The following MACROD2 variants were observed in gnomAD, a reference collection of about 807,000 sequenced individuals.
MACROD2 encodes mono-ADP ribosylhydrolase 2, also known as ADP-ribose glycohydrolase MACROD2.
Under a neutral mutation model 70.4 loss-of-function variants are expected in MACROD2, and 36 were observed. That is an observed-to-expected ratio of 0.51 (90% CI 0.39 to 0.68). The LOEUF (loss-of-function observed/expected upper bound fraction) is 0.68, where lower values mean the gene tolerates loss of function less well. Ranked by LOEUF, MACROD2 falls within the 30% of genes least tolerant of loss-of-function variation. The pLI, the probability that MACROD2 is intolerant of heterozygous loss-of-function variation, is 0.00. For synonymous variants in MACROD2, 172 were observed against 178.8 expected, an observed-to-expected ratio of 0.96 and a Z score of 0.30; for missense variants, 496 against 538.4, an observed-to-expected ratio of 0.92 and a Z score of 0.78.
intron 8 of MACROD2, among the ~76,000 whole-genome samples, chr20:15,608,383 T>G (rs1033967244): frequency 9.9e-5 from 15 of 152,228 alleles, no homozygotes; most frequent in Admixed American, 2.6e-4. Flanking sequence ...CCTTGATCTC[T>G]TATGCTTTAC....
intron 8 of MACROD2, among the ~76,000 whole-genome samples, chr20:15,542,079 C>T (rs992522387): frequency 2.6e-5 from 4 of 152,142 alleles, no homozygotes; most frequent in African/African-American, 9.7e-5. Flanking sequence ...CTTCTCTGTG[C>T]CTCTAAATGT....
chr20:15,823,084 G>A (rs2063957196), intron 8 of MACROD2, among the ~76,000 whole-genome samples: 1 of 152,294 alleles, frequency 6.6e-6, no homozygotes, highest in Admixed American at 6.5e-5. Flanking sequence ...ATTCACAAAT[G>A]CCTCATAAAT....
chr20:15,516,654 G>T lies in MACROD2; in HGVS notation c.645+16807G>T, dbSNP rs116026575. Among the ~76,000 whole-genome samples, 409 of 152,202 alleles carry T rather than the reference G, an allele frequency of 2.7e-3. 2 individuals are homozygous for T. Among genetic ancestry groups the T allele is most frequent in the African/African-American group, 9.5e-3 (393 of 41,516 alleles). On this transcript the variant is annotated intron_variant, in intron 8 of 17. Transcript: ENST00000684519. Reference sequence around the variant, plus strand: ...TTTCCTGGGGCTTTTTCTTTTCCTTGGGAGTGAAATCCAAATGCCTGTCTT... The same window carrying T: ...TTTCCTGGGGCTTTTTCTTTTCCTTTGGAGTGAAATCCAAATGCCTGTCTT...
intron 8 of MACROD2, among the ~76,000 whole-genome samples, chr20:15,806,346 G>A (rs141961285): frequency 2.7e-4 from 41 of 152,200 alleles, no homozygotes; most frequent in African/African-American, 9.4e-4. Flanking sequence ...AAATGTTCTC[G>A]GCCAGACAGT....
intron 8 of MACROD2, among the ~76,000 whole-genome samples, chr20:15,628,468 G>A (rs1451796657): frequency 6.6e-6 from 1 of 152,244 alleles, no homozygotes; most frequent in Non-Finnish European, 1.5e-5. Context: ...GGAAAAGGAT[G>A]AGTGTGAGAA....
Position 15,438,392 on chromosome 20 carries a change from A to G in MACROD2, c.571+6957A>G, listed in dbSNP as rs571308618. 2.0e-5 allele frequency among the ~76,000 whole-genome samples: 3 copies of G among 152,252 alleles called. No homozygotes were observed. The South Asian group carries it at 6.2e-4, about 32-fold the overall frequency. On this transcript the variant is annotated intron_variant, in intron 7 of 17. Transcript: ENST00000684519. ...GCCATTCTGACTGGTGTGAGATGGT[A>G]TCTCACCGTGGTTTTGATTTGCATT... is the stretch of plus-strand genomic sequence containing the variant.
At chr20:15,120,465 GC>G (rs2076022336) in intron 5 of MACROD2, among the ~76,000 whole-genome samples, 1 of 152,062 alleles carries the variant, frequency 6.6e-6, no homozygotes, top group Non-Finnish European at 1.5e-5. Flanking sequence ...TATTTTATAT[GC>G]GTTTTATTTA....
At chr20:14,662,537 C>A (rs1986276567) in intron 4 of MACROD2, among the ~76,000 whole-genome samples, 1 of 152,128 alleles carries the variant, frequency 6.6e-6, no homozygotes, top group African/African-American at 2.4e-5. Flanking sequence ...AAACTGTCAA[C>A]AGAATGAACA....
At chr20:14,439,769 A>G (rs1263675653) in intron 3 of MACROD2, among the ~76,000 whole-genome samples, 3 of 152,236 alleles carry the variant, frequency 2.0e-5, no homozygotes, top group South Asian at 2.1e-4. Flanking sequence ...AGACACATAG[A>G]AAGAACTGAA....
chr20:14,101,518 A>C (rs890525075), intron 3 of MACROD2, among the ~76,000 whole-genome samples: 1 of 152,094 alleles, frequency 6.6e-6, no homozygotes, highest in Admixed American at 6.6e-5. Flanking sequence ...AAGGAAGCCT[A>C]AGTTTCCAAC....
chr20:15,528,451 G>A (rs1284501922), intron 8 of MACROD2, among the ~76,000 whole-genome samples: 1 of 152,108 alleles, frequency 6.6e-6, no homozygotes, highest in Non-Finnish European at 1.5e-5. Context: ...GGATTGAAGG[G>A]ATAAGCAGTG....
intron 8 of MACROD2, among the ~76,000 whole-genome samples, chr20:15,856,012 A>G (rs1315506043): frequency 6.6e-6 from 1 of 152,140 alleles, no homozygotes; most frequent in East Asian, 1.9e-4. Context: ...TTTGGTGAAT[A>G]TATTTGTAGG....
intron 5 of MACROD2, among the ~76,000 whole-genome samples, chr20:14,969,374 A>G (rs2074669419): frequency 6.7e-6 from 1 of 148,764 alleles, no homozygotes; most frequent in Non-Finnish European, 1.5e-5. Flanking sequence ...ACACACACAC[A>G]CACACACACA....
At chr20:14,112,206 A>G (rs2054460027) in intron 3 of MACROD2, among the ~76,000 whole-genome samples, 1 of 151,926 alleles carries the variant, frequency 6.6e-6, no homozygotes, top group Non-Finnish European at 1.5e-5. Context: ...TGGCTACTAG[A>G]GGCTGGGAAG....
intron 4 of MACROD2, among the ~76,000 whole-genome samples, chr20:14,618,972 A>G (rs917347515): frequency 6.6e-6 from 1 of 152,144 alleles, no homozygotes; most frequent in Non-Finnish European, 1.5e-5. Context: ...TACTTCTTGT[A>G]TAAAATATGA....
intron 8 of MACROD2, among the ~76,000 whole-genome samples, chr20:15,695,211 G>T (rs1387600693): frequency 6.6e-6 from 1 of 151,938 alleles, no homozygotes; most frequent in Admixed American, 6.6e-5. Context: ...GCTCATTTTT[G>T]GTTCCATATG....
intron 5 of MACROD2, among the ~76,000 whole-genome samples, chr20:15,197,332 A>G (rs1340816321): frequency 1.3e-5 from 2 of 152,074 alleles, no homozygotes; most frequent in African/African-American, 4.8e-5. Context: ...TAGTATATAT[A>G]TATATGTGTT....
intron 13 of MACROD2, among the ~76,000 whole-genome samples, chr20:15,971,772 G>A (rs2066234162): frequency 6.6e-6 from 1 of 151,930 alleles, no homozygotes; most frequent in Admixed American, 6.6e-5. Flanking sequence ...TGACCCAGAA[G>A]TCTTTGTCTT....
chr20:15,653,602 G>A (rs2049679848), intron 8 of MACROD2, among the ~76,000 whole-genome samples: 1 of 152,136 alleles, frequency 6.6e-6, no homozygotes, highest in Admixed American at 6.5e-5. Flanking sequence ...GCTGCCACTT[G>A]GAGCTTCTGC....
Sources: allele counts gnomAD v4.1 joint callset (sites outside exome capture counted in the v4.1 genomes callset), GRCh38; gene constraint gnomAD v4.1.1; transcripts MANE v1.5; gene names NCBI Gene and HGNC (gene_info 2026-07-23, HGNC 2026-07-21).